Variants in KCTD16 observed in about 807,000 individuals in gnomAD.
KCTD16 encodes the protein BTB/POZ domain-containing protein KCTD16.
In KCTD16, 13 loss-of-function variants were observed where a neutral mutation model predicts 33.2. The ratio of observed to expected loss-of-function variants is 0.39; its 90% CI spans 0.25 to 0.62. The LOEUF is 0.62. Ranked by LOEUF, KCTD16 falls within the 20% of genes least tolerant of loss-of-function variation. The pLI is 0.50. For synonymous variants in KCTD16, 197 were observed against 195.3 expected (o/e 1.01, Z -0.07); for missense variants, 441 against 525.1 (o/e 0.84, Z 1.57).
At chr5:144,172,656 A>G (rs1043584278) in intron 1 of KCTD16, among the ~76,000 whole-genome samples, 6 of 152,150 alleles carry the variant, frequency 3.9e-5, no homozygotes, top group African/African-American at 1.4e-4. Flanking sequence ...GCTGGAGACA[A>G]TTCCATTGTC....
Position 144,299,044 on chromosome 5 carries a change from C to CTATATATATA in KCTD16, c.832+91518_832+91527dup, listed in dbSNP as rs10589565. ...TGCTATGAATAAGTAAAACAGATCA[C>CTATATATATA]TATATATATATATATATATATATAT... On this transcript the variant is annotated intron_variant, in intron 3 of 3. Coordinates refer to ENST00000512467, the MANE Select transcript of KCTD16 (RefSeq NM_020768.4). Among the ~76,000 whole-genome samples, 37 of 35,950 alleles carry CTATATATATA rather than the reference C, an allele frequency of 1.0e-3. 3 individuals are homozygous for CTATATATATA. Among genetic ancestry groups the CTATATATATA allele is most frequent in the East Asian group, 1.5e-3 (2 of 1,354 alleles). 23.6% of individuals were successfully genotyped at this position (35,950 alleles called of 152,430 possible). A position where few individuals can be genotyped will look rare whatever the true frequency, so the allele number is the denominator to read the frequency against.
At chr5:144,367,995 C>G (rs1751877118) in intron 3 of KCTD16, among the ~76,000 whole-genome samples, 1 of 151,676 alleles carries the variant, frequency 6.6e-6, no homozygotes, top group African/African-American at 2.4e-5. Flanking sequence ...ATAATGCTAA[C>G]TCCCCCACTC....
intron 3 of KCTD16, among the ~76,000 whole-genome samples, chr5:144,452,146 T>TTATATATA (rs140891816): frequency 7.2e-5 from 10 of 138,178 alleles, no homozygotes; most frequent in African/African-American, 2.4e-4. Flanking sequence ...ATATATAATA[T>TTATATATA]TATATATATA....
intron 3 of KCTD16, among the ~76,000 whole-genome samples, chr5:144,229,310 G>A (rs968280325): frequency 1.3e-5 from 2 of 152,136 alleles, no homozygotes; most frequent in Admixed American, 1.3e-4. Flanking sequence ...TAGGACCAAT[G>A]GATTGAAGAT....
At chr5:144,319,147 T>G (rs1274571528) in intron 3 of KCTD16, among the ~76,000 whole-genome samples, 1 of 151,952 alleles carries the variant, frequency 6.6e-6, no homozygotes, top group Non-Finnish European at 1.5e-5. Flanking sequence ...ATAACTAAAT[T>G]TTGTTATATG....
At chr5:144,299,126 ATATATATATATATATATATATATTTTTTT>A (rs1561558635) in intron 3 of KCTD16, among the ~76,000 whole-genome samples, 7 of 23,832 alleles carry the variant, frequency 2.9e-4, no homozygotes, top group African/African-American at 2.9e-3. Context: ...ATATATATAT[ATATATATATATATATATATATATTTTTTT>A]TTTTTTTTTT....
At chr5:144,311,308 G>A (rs1414501998) in intron 3 of KCTD16, among the ~76,000 whole-genome samples, 1 of 152,164 alleles carries the variant, frequency 6.6e-6, no homozygotes, top group East Asian at 1.9e-4. Flanking sequence ...GACAATAGTA[G>A]TAGTATCTAA....
intron 3 of KCTD16, among the ~76,000 whole-genome samples, chr5:144,287,147 G>T (rs1755767626): frequency 3.9e-5 from 6 of 152,122 alleles, no homozygotes; most frequent in Admixed American, 3.3e-4. Flanking sequence ...AGGGAAGGAG[G>T]TTAGATGGAA....
intron 3 of KCTD16, among the ~76,000 whole-genome samples, chr5:144,257,740 G>C (rs2126836536): frequency 6.6e-6 from 1 of 152,274 alleles, no homozygotes; most frequent in East Asian, 1.9e-4. Context: ...GCCTGCCTCA[G>C]CCTCCCAAAG....
At chr5:144,443,310 A>C (rs1032329463) in intron 3 of KCTD16, among the ~76,000 whole-genome samples, 2 of 152,046 alleles carry the variant, frequency 1.3e-5, no homozygotes, top group Non-Finnish European at 2.9e-5. Context: ...AAAGTTTGTA[A>C]ATTTTTCTTG....
At chr5:144,314,302 T>C (rs1751848151) in intron 3 of KCTD16, among the ~76,000 whole-genome samples, 1 of 152,156 alleles carries the variant, frequency 6.6e-6, no homozygotes, top group Admixed American at 6.6e-5. Context: ...CCTTGGAACA[T>C]TGGGGAATGC....
At chr5:144,454,216 C>T (rs1754011098) in intron 3 of KCTD16, among the ~76,000 whole-genome samples, 3 of 152,184 alleles carry the variant, frequency 2.0e-5, no homozygotes, top group Admixed American at 6.5e-5. Context: ...AAGCTACCCA[C>T]CCAATCAGTC....
At chr5:144,323,783 G>A (rs1752135680) in intron 3 of KCTD16, among the ~76,000 whole-genome samples, 1 of 152,134 alleles carries the variant, frequency 6.6e-6, no homozygotes, top group Non-Finnish European at 1.5e-5. Flanking sequence ...TCAATTTAGT[G>A]TACCAGTGTA....
intron 3 of KCTD16, among the ~76,000 whole-genome samples, chr5:144,310,294 C>A (rs573110630): frequency 8.6e-4 from 131 of 152,230 alleles, no homozygotes; most frequent in Non-Finnish European, 1.6e-3. Flanking sequence ...TTTATACAAT[C>A]ATTGTGTTGA....
intron 3 of KCTD16, among the ~76,000 whole-genome samples, chr5:144,450,537 G>C (rs1179312619): frequency 6.6e-6 from 1 of 151,864 alleles, no homozygotes; most frequent in Non-Finnish European, 1.5e-5. Context: ...TCAAGATATG[G>C]AAAAAACCCA....
chr5:144,409,765 C>T (rs144299574), intron 3 of KCTD16, among the ~76,000 whole-genome samples: 3 of 151,822 alleles, frequency 2.0e-5, no homozygotes, highest in African/African-American at 4.8e-5. Context: ...TGCAGTGAGC[C>T]GAGATCATGC....
Position 144,477,337 on chromosome 5 carries a change from T to C in KCTD16, c.*3223T>C, listed in dbSNP as rs1375085653. The C allele has an allele frequency of 6.6e-6, 1 of 152,104 alleles. No homozygotes were observed. Among genetic ancestry groups the C allele is most frequent in the Non-Finnish European group, 1.5e-5 (1 of 68,004 alleles). 9.4% of individuals were successfully genotyped at this position (152,104 alleles called of 1,614,324 possible). ...ATAGGCACAGTTATCTTACTGAAAA[T>C]GCATGCATGGTGAATTAAAATAAAA... On this transcript the variant is annotated 3_prime_UTR_variant, in exon 4 of 4. Coordinates refer to ENST00000512467, the MANE Select transcript of KCTD16 (RefSeq NM_020768.4).
At chr5:144,257,070 A>G (rs1384730734) in intron 3 of KCTD16, among the ~76,000 whole-genome samples, 1 of 152,154 alleles carries the variant, frequency 6.6e-6, no homozygotes, top group African/African-American at 2.4e-5. Flanking sequence ...TGTGTATCTC[A>G]CTTTTTCTAC....
intron 3 of KCTD16, among the ~76,000 whole-genome samples, chr5:144,262,170 G>C (rs1458780176): frequency 6.6e-6 from 1 of 152,138 alleles, no homozygotes; most frequent in African/African-American, 2.4e-5. Context: ...TCTAAGCAGG[G>C]AACATATGAA....
Sources: gnomAD v4.1 joint callset for allele counts (sites outside exome capture counted in the v4.1 genomes callset) on GRCh38, gnomAD v4.1.1 for gene constraint, MANE v1.5 for transcripts, NCBI Gene and HGNC (gene_info 2026-07-23, HGNC 2026-07-21) for gene names.